The following ZNF827 variants were observed in gnomAD, a reference collection of about 807,000 sequenced individuals.
ZNF827 encodes the protein zinc finger protein 827.
A neutral mutation model predicts 102.4 loss-of-function variants in ZNF827; 13 were observed. The ratio of observed to expected loss-of-function variants is 0.13; its 90% CI spans 0.08 to 0.20. The LOEUF is 0.20. Among genes scored for constraint, ZNF827 ranks in the 10% least tolerant of loss-of-function variants. ZNF827 has a pLI of 1.00. For missense variants in ZNF827, 1,103 were observed against 1,344.4 expected (o/e 0.82, Z 2.81); for synonymous variants, 523 against 536.2 (o/e 0.98, Z 0.34).
At chr4:145,781,195 C>CAAAAAAA (rs10605153) in intron 8 of ZNF827, among the ~76,000 whole-genome samples, 41 of 56,548 alleles carry the variant, frequency 7.3e-4, no homozygotes, top group South Asian at 1.1e-3. Context: ...GACACCATCT[C>CAAAAAAA]AAAAAAAAAA....
At chr4:145,934,338 C>T (rs1754009368) in intron 1 of ZNF827, among the ~76,000 whole-genome samples, 1 of 152,132 alleles carries the variant, frequency 6.6e-6, no homozygotes, top group African/African-American at 2.4e-5. Context: ...GCCCATATAA[C>T]AAAGCAAACA....
At chr4:145,890,858 C>T (rs1424095769) in intron 3 of ZNF827, among the ~76,000 whole-genome samples, 3 of 152,196 alleles carry the variant, frequency 2.0e-5, no homozygotes, top group South Asian at 2.1e-4. Flanking sequence ...GGGCATGCTA[C>T]TCCCAGGAGA....
intron 4 of ZNF827, 21 bp from the exon 5 acceptor site, chr4:145,870,499 A>ATT (rs1372603121): frequency 5.0e-6 from 8 of 1,608,476 alleles, no homozygotes; most frequent in Admixed American, 1.7e-5. Context: ...AAAAAAAGGG[A>ATT]TTATATATAC....
At chr4:145,859,947 T>C (rs973374293) in intron 5 of ZNF827, among the ~76,000 whole-genome samples, 2 of 152,178 alleles carry the variant, frequency 1.3e-5, no homozygotes, top group African/African-American at 4.8e-5. Context: ...GCAAATGTAG[T>C]GGGATCTAGC....
chr4:145,779,428 C>T lies in ZNF827; in HGVS notation c.2467G>A (p.Gly823Arg). Residue 823 changes from glycine to arginine, a missense_variant, in exon 9 of 15, where the codon GGG becomes AGG. Gly to Arg is a moderately radical substitution (Grantham distance 125). Transcript: ENST00000508784. ...GTCTGCTGTCGGCCAAACACTTTCC[C>T]ACACACGTCACAGGGAAAAAGCTGG... ...NDQLFPCDVC[G>R]KVFGRQQTLS... 1 of 1,614,126 alleles carries T rather than the reference C, an allele frequency of 6.2e-7. No homozygotes were observed. The highest frequency in any genetic ancestry group is 8.5e-7 in the Non-Finnish European group (1 of 1,179,966).
At chr4:145,771,085 T>A (rs1392974504) in intron 11 of ZNF827, 1 of 152,268 alleles carries the variant, frequency 6.6e-6, no homozygotes, top group East Asian at 1.9e-4. Context: ...CATGTCCTCA[T>A]ATCCTTTGCT....
At chr4:145,901,689 A>C (rs990432455) in intron 2 of ZNF827, among the ~76,000 whole-genome samples, 1 of 152,354 alleles carries the variant, frequency 6.6e-6, no homozygotes, top group Admixed American at 6.5e-5. Flanking sequence ...ATGGTGTGAT[A>C]AATTAGGGCA....
chr4:145,779,253 A>G, intron 9 of ZNF827, 121 bp downstream of exon 9: 1 of 1,326,642 alleles, frequency 7.5e-7, no homozygotes, highest in South Asian at 1.6e-5. Flanking sequence ...AAATGGCTTG[A>G]AAAGGTCAGC....
chr4:145,879,978 T>C (rs926138989), intron 4 of ZNF827, among the ~76,000 whole-genome samples: 1 of 152,180 alleles, frequency 6.6e-6, no homozygotes, highest in Admixed American at 6.5e-5. Context: ...TTCTCACATC[T>C]GTAATCCCAG....
chr4:145,803,538 T>G (rs1026428164), intron 8 of ZNF827, among the ~76,000 whole-genome samples: 1 of 152,192 alleles, frequency 6.6e-6, no homozygotes, highest in African/African-American at 2.4e-5. Flanking sequence ...ATTTAGAAAC[T>G]GTCATGGATA....
chr4:145,830,172 A>G (rs1744070434), intron 7 of ZNF827, among the ~76,000 whole-genome samples: 1 of 152,224 alleles, frequency 6.6e-6, no homozygotes. Context: ...TCATATAATG[A>G]AACTAAAGGA....
chr4:145,827,299 A>G (rs962228497), intron 7 of ZNF827, among the ~76,000 whole-genome samples: 4 of 152,128 alleles, frequency 2.6e-5, no homozygotes, highest in African/African-American at 9.6e-5. Context: ...GAGAAAAGGA[A>G]GAGATAGAGA....
In ZNF827 at chr4:145,927,887, GT is replaced by G. The variant is rs530402746; in HGVS notation, c.43+10477del. Among the ~76,000 whole-genome samples the G allele has an allele frequency of 4.6e-4, 70 of 152,334 alleles. No individual in the cohort carries two copies. In the South Asian group the frequency reaches 0.014, roughly 30 times the overall value. On this transcript the variant is annotated intron_variant, in intron 1 of 14. Coordinates refer to ENST00000508784, the MANE Select transcript of ZNF827 (RefSeq NM_001306215.2). ...AATACAAACAGAAGGTTTGAGTAAT[GT>G]ACTGTTTTCCGTTTTACATGATGGA...
At chr4:145,866,079 T>C (rs1345739028) in intron 5 of ZNF827, among the ~76,000 whole-genome samples, 3 of 152,192 alleles carry the variant, frequency 2.0e-5, no homozygotes, top group Non-Finnish European at 4.4e-5. Flanking sequence ...GGGTGGTTCC[T>C]GGGTTCCATA....
At chr4:145,777,879 T>C (rs1051115117) in intron 9 of ZNF827, among the ~76,000 whole-genome samples, 8 of 152,182 alleles carry the variant, frequency 5.3e-5, no homozygotes, top group African/African-American at 1.9e-4. Context: ...TCCTTTTAGA[T>C]GTCTGTTATT....
chr4:145,766,347 C>T (rs574874906), intron 11 of ZNF827, among the ~76,000 whole-genome samples: 23 of 152,308 alleles, frequency 1.5e-4, no homozygotes, highest in Non-Finnish European at 2.6e-4. Flanking sequence ...TTTACCATTA[C>T]TACTAACAAC....
intron 4 of ZNF827, among the ~76,000 whole-genome samples, chr4:145,878,843 A>G (rs1749419680): frequency 3.3e-5 from 5 of 152,072 alleles, no homozygotes; most frequent in Admixed American, 3.3e-4. Flanking sequence ...GTACTGGAAG[A>G]AAAGTCCATC....
intron 5 of ZNF827, among the ~76,000 whole-genome samples, chr4:145,858,165 GTGTGTGTGCA>G (rs1747352395): frequency 7.2e-6 from 1 of 138,090 alleles, no homozygotes; most frequent in Non-Finnish European, 1.6e-5. Flanking sequence ...GTGTGTGTGT[GTGTGTGTGCA>G]CATGTGGCTT....
At chr4:145,798,403 C>T (rs577200659) in intron 8 of ZNF827, among the ~76,000 whole-genome samples, 7 of 152,304 alleles carry the variant, frequency 4.6e-5, no homozygotes, top group South Asian at 4.1e-4. Context: ...CAGTGGCTCA[C>T]GCCTATAATC....
Sources: gnomAD v4.1 joint callset for allele counts (sites outside exome capture counted in the v4.1 genomes callset) on GRCh38, gnomAD v4.1.1 for gene constraint, MANE v1.5 for transcripts, NCBI Gene and HGNC (gene_info 2026-07-23, HGNC 2026-07-21) for gene names.